SRPK2: variants seen among roughly 807,000 people sequenced by gnomAD.
The protein encoded by SRPK2 is SFRS protein kinase 2.
A neutral mutation model predicts 90.8 loss-of-function variants in SRPK2; 21 were observed. The ratio of observed to expected loss-of-function variants is 0.23; its 90% CI spans 0.16 to 0.33. The LOEUF (loss-of-function observed/expected upper bound fraction) is 0.33, where lower values mean the gene tolerates loss of function less well. SRPK2 is among the 10% of genes least tolerant of loss of function. SRPK2 has a pLI of 1.00. For missense variants in SRPK2, 620 were observed against 869.0 expected (o/e 0.71, Z 3.60); for synonymous variants, 288 against 311.1 (o/e 0.93, Z 0.78).
chr7:105,324,378 A>G (rs1813324726), intron 2 of SRPK2, among the ~76,000 whole-genome samples: 1 of 151,684 alleles, frequency 6.6e-6, no homozygotes, highest in Admixed American at 6.6e-5. Flanking sequence ...GCTGGAGTGC[A>G]ATGGCGCGAT....
intron 13 of SRPK2, among the ~76,000 whole-genome samples, chr7:105,127,265 A>G (rs190852134): frequency 6.6e-6 from 1 of 152,402 alleles, no homozygotes; most frequent in East Asian, 1.9e-4. Context: ...AAGGAAAGAT[A>G]TAAGAGCTAT....
intron 15 of SRPK2, among the ~76,000 whole-genome samples, chr7:105,124,123 G>A (rs1052878116): frequency 5.9e-5 from 9 of 152,170 alleles, no homozygotes; most frequent in South Asian, 2.1e-4. Flanking sequence ...ATGGCCACAC[G>A]CAGGCCGCTC....
chr7:105,167,894 A>G (rs1790291104), intron 5 of SRPK2, 114 bp downstream of exon 5: 1 of 838,126 alleles, frequency 1.2e-6, no homozygotes, highest in Non-Finnish European at 1.9e-6. Context: ...TATAGGCATG[A>G]GCCACCGTGC....
chr7:105,346,269 C>T (rs1209792347), intron 2 of SRPK2, among the ~76,000 whole-genome samples: 1 of 152,146 alleles, frequency 6.6e-6, no homozygotes, highest in African/African-American at 2.4e-5. Flanking sequence ...AAACCATTCT[C>T]AACTGCATTC....
At chr7:105,266,182 T>C (rs1253554779) in intron 2 of SRPK2, among the ~76,000 whole-genome samples, 3 of 152,168 alleles carry the variant, frequency 2.0e-5, no homozygotes, top group Non-Finnish European at 4.4e-5. Flanking sequence ...CATTATAATT[T>C]TACTTCAAAT....
chr7:105,330,064 C>T (rs1049254290), intron 2 of SRPK2, among the ~76,000 whole-genome samples: 1 of 151,298 alleles, frequency 6.6e-6, no homozygotes. Flanking sequence ...ATAAAATAGC[C>T]AGGCGCGATG....
chr7:105,363,405 C>T (rs1040219782), intron 2 of SRPK2, among the ~76,000 whole-genome samples: 4 of 152,114 alleles, frequency 2.6e-5, no homozygotes, highest in Non-Finnish European at 5.9e-5. Context: ...GACATTTATG[C>T]AACCAACAGA....
At chr7:105,326,568 C>T (rs1182637225) in intron 2 of SRPK2, among the ~76,000 whole-genome samples, 1 of 152,114 alleles carries the variant, frequency 6.6e-6, no homozygotes, top group Admixed American at 6.6e-5. Flanking sequence ...ATTCAAGTCC[C>T]TCTGCATGTA....
At chr7:105,316,753 G>C (rs1344246616) in intron 2 of SRPK2, among the ~76,000 whole-genome samples, 1 of 152,170 alleles carries the variant, frequency 6.6e-6, no homozygotes, top group African/African-American at 2.4e-5. Context: ...CTCACTCCAG[G>C]ATCAGTTACA....
At chr7:105,131,286 C>T (rs1338912831) in intron 13 of SRPK2, among the ~76,000 whole-genome samples, 2 of 152,102 alleles carry the variant, frequency 1.3e-5, no homozygotes, top group East Asian at 1.9e-4. Flanking sequence ...TCAGTGTCTC[C>T]GCAGCTCCCG....
intron 3 of SRPK2, among the ~76,000 whole-genome samples, chr7:105,196,203 T>C (rs1794894040): frequency 6.6e-6 from 1 of 152,206 alleles, no homozygotes; most frequent in African/African-American, 2.4e-5. Context: ...TTCACATAGA[T>C]AGGCAGGGTT....
Position 105,303,651 on chromosome 7 carries a change from G to GA in SRPK2, c.71+84996dup, listed in dbSNP as rs944956395. Reference sequence around the variant, plus strand: ...GTCCATCCTGGCAGCATTATACACTGAAAAAAAACCCAGAAAACTGGGATT... The same window carrying GA: ...GTCCATCCTGGCAGCATTATACACTGAAAAAAAAACCCAGAAAACTGGGATT... On this transcript the variant is annotated intron_variant, in intron 2 of 15. Coordinates refer to ENST00000393651, the MANE Select transcript of SRPK2 (RefSeq NM_182692.3). Among the ~76,000 whole-genome samples, 26 of 151,688 alleles carry GA rather than the reference G, an allele frequency of 1.7e-4. No homozygotes were observed. In the East Asian group the frequency reaches 1.9e-3, roughly 11 times the overall value.
At chr7:105,207,575 A>G (rs1796367334) in intron 2 of SRPK2, among the ~76,000 whole-genome samples, 1 of 152,254 alleles carries the variant, frequency 6.6e-6, no homozygotes, top group African/African-American at 2.4e-5. Flanking sequence ...AAATAATTAA[A>G]TGGTAAAAGA....
chr7:105,229,088 A>G (rs932304257), intron 2 of SRPK2, among the ~76,000 whole-genome samples: 1 of 152,196 alleles, frequency 6.6e-6, no homozygotes, highest in Admixed American at 6.5e-5. Context: ...CACCGAGTTC[A>G]GGGAACTGCA....
intron 2 of SRPK2, among the ~76,000 whole-genome samples, chr7:105,331,610 C>G (rs76524064): frequency 0.097 from 14,730 of 152,184 alleles, 1,035 homozygotes; most frequent in Non-Finnish European, 0.15. Flanking sequence ...TAAATACATA[C>G]GACATTTCAC....
intron 2 of SRPK2, among the ~76,000 whole-genome samples, chr7:105,310,331 T>G (rs189461734): frequency 6.6e-6 from 1 of 152,278 alleles, no homozygotes; most frequent in Non-Finnish European, 1.5e-5. Context: ...AGTAAATGCA[T>G]TCAGAATTGT....
At chr7:105,356,674 C>T (rs1379525958) in intron 2 of SRPK2, among the ~76,000 whole-genome samples, 3 of 152,132 alleles carry the variant, frequency 2.0e-5, no homozygotes, top group Non-Finnish European at 2.9e-5. Context: ...AAAATTAAGG[C>T]AAGTACAACC....
intron 3 of SRPK2, among the ~76,000 whole-genome samples, chr7:105,187,340 A>T (rs970932396): frequency 1.3e-5 from 2 of 152,174 alleles, no homozygotes; most frequent in African/African-American, 2.4e-5. Context: ...ATGCCCAGAT[A>T]TGTCACACTA....
intron 2 of SRPK2, among the ~76,000 whole-genome samples, chr7:105,380,636 G>C (rs935914131): frequency 2.0e-5 from 3 of 147,870 alleles, no homozygotes; most frequent in African/African-American, 7.5e-5. Flanking sequence ...CAATTCTCCC[G>C]CCTCACCCTC....
Sources: gnomAD v4.1 joint callset for allele counts (sites outside exome capture counted in the v4.1 genomes callset) on GRCh38, gnomAD v4.1.1 for gene constraint, MANE v1.5 for transcripts, NCBI Gene and HGNC (gene_info 2026-07-23, HGNC 2026-07-21) for gene names.